PRTG: variants seen among roughly 807,000 people sequenced by gnomAD.
The protein encoded by PRTG is immunoglobulin superfamily, DCC subclass, member 5.
In PRTG, 67 loss-of-function variants were observed where a neutral mutation model predicts 122.5. The ratio of observed to expected loss-of-function variants is 0.55; its 90% CI spans 0.45 to 0.67. The LOEUF (loss-of-function observed/expected upper bound fraction) is 0.67. Ranked by LOEUF, PRTG falls within the 30% of genes least tolerant of loss-of-function variation. The pLI, the probability that PRTG is intolerant of heterozygous loss-of-function variation, is 0.00. For synonymous variants in PRTG, 554 were observed against 501.1 expected, an observed-to-expected ratio of 1.11 and a Z score of -1.41; for missense variants, 1,435 against 1,415.4, an observed-to-expected ratio of 1.01 and a Z score of -0.22.
At chr15:55,707,310 T>C (rs935471978) in intron 2 of PRTG, among the ~76,000 whole-genome samples, 4 of 152,250 alleles carry the variant, frequency 2.6e-5, no homozygotes, top group African/African-American at 9.6e-5. Flanking sequence ...CAAAATCATG[T>C]CTAAACTATA....
intron 2 of PRTG, among the ~76,000 whole-genome samples, chr15:55,701,077 T>C (rs1319848678): frequency 6.6e-6 from 1 of 152,208 alleles, no homozygotes; most frequent in Non-Finnish European, 1.5e-5. Context: ...GAGATGTCAC[T>C]ACACACCTGT....
At chr15:55,664,165 T>C (rs1247450519) in intron 11 of PRTG, among the ~76,000 whole-genome samples, 1 of 151,850 alleles carries the variant, frequency 6.6e-6, no homozygotes, top group Non-Finnish European at 1.5e-5. Context: ...TTTTTTGAGA[T>C]GGAGTTTCAC....
intron 11 of PRTG, among the ~76,000 whole-genome samples, chr15:55,664,206 A>G: frequency 6.6e-6 from 1 of 152,024 alleles, no homozygotes; most frequent in East Asian, 1.9e-4. Flanking sequence ...CAATGGCGCA[A>G]TCTCAGCTTA....
intron 15 of PRTG, among the ~76,000 whole-genome samples, chr15:55,632,835 T>C (rs2059235413): frequency 6.6e-6 from 1 of 152,208 alleles, no homozygotes; most frequent in African/African-American, 2.4e-5. Context: ...CCAGTGGAGG[T>C]AGGGACTTTG....
At position 55,637,184 on chromosome 15, in the gene PRTG, AC is replaced by A; in HGVS notation, c.2608del (p.Val870SerfsTer8). On this transcript the variant is annotated frameshift_variant, in exon 15 of 20. Coordinates refer to ENST00000389286, the MANE Select transcript of PRTG (RefSeq NM_173814.6). LOFTEE classifies it high-confidence loss of function. The part of the protein sequence containing the change: ...RKAWIAGEWQ[V>X]LHREGAITMA... The stretch of plus-strand genomic sequence containing the variant: ...ATGATATTTACCTTCACGGTGTAAG[AC>A]CTGCCACTCTCCTGCAATCCAGGCC... 1 of 1,594,072 alleles carries A rather than the reference AC, an allele frequency of 6.3e-7. No homozygotes were observed. The highest frequency in any genetic ancestry group is 8.5e-7 in the Non-Finnish European group (1 of 1,170,702).
At position 55,612,697 on chromosome 15, in the gene PRTG, AATATATATATATAT is replaced by A. The variant is rs59773365; in HGVS notation, c.*7301_*7314del. On this transcript the variant is annotated 3_prime_UTR_variant, in exon 20 of 20. Transcript: ENST00000389286. Reference sequence around the variant, plus strand: ...TTCTCTCTTTAACTCTTTAAAAGCCAATATATATATATATATATATATATATATATATATATATA... The same window carrying A: ...TTCTCTCTTTAACTCTTTAAAAGCCAATATATATATATATATATATATATA... 109 of 120,736 alleles carry A rather than the reference AATATATATATATAT, an allele frequency of 9.0e-4. 1 individual carries two copies. The highest frequency in any genetic ancestry group is 3.8e-3 in the African/African-American group (81 of 21,386). 7.5% of individuals were successfully genotyped at this position (120,736 alleles called of 1,614,324 possible).
chr15:55,688,650 A>G (rs934088521), intron 2 of PRTG, among the ~76,000 whole-genome samples: 3 of 152,186 alleles, frequency 2.0e-5, no homozygotes, highest in African/African-American at 7.2e-5. Flanking sequence ...CCTGGCCAAC[A>G]TGGTGAAACC....
intron 11 of PRTG, among the ~76,000 whole-genome samples, chr15:55,664,169 G>C (rs943151553): frequency 2.6e-5 from 4 of 151,688 alleles, no homozygotes; most frequent in Non-Finnish European, 5.9e-5. Context: ...TTGAGATGGA[G>C]TTTCACTCGT....
intron 3 of PRTG, among the ~76,000 whole-genome samples, chr15:55,683,186 T>C (rs964370454): frequency 1.5e-5 from 2 of 136,492 alleles, no homozygotes; most frequent in East Asian, 4.0e-4. Context: ...GTAGATATGC[T>C]TTTTTTTTTT....
intron 11 of PRTG, among the ~76,000 whole-genome samples, chr15:55,644,159 G>A (rs1366063774): frequency 6.6e-6 from 1 of 152,108 alleles, no homozygotes; most frequent in African/African-American, 2.4e-5. Context: ...TCTTCATTCT[G>A]TCTCTACTTA....
chr15:55,619,803 T>C lies in PRTG; in HGVS notation c.*209A>G, dbSNP rs1277989397. 1.4e-6 allele frequency: 1 copy of C among 723,204 alleles called. No individual in the cohort carries two copies. Among genetic ancestry groups the C allele is most frequent in the Non-Finnish European group, 2.1e-6 (1 of 473,514 alleles). 44.8% of individuals were successfully genotyped at this position (723,204 alleles called of 1,614,324 possible). A position where few individuals can be genotyped will look rare whatever the true frequency, so the allele number is the denominator to read the frequency against. On this transcript the variant is annotated 3_prime_UTR_variant, in exon 20 of 20. Transcript: ENST00000389286. ...TTAAGATTTTCACAAAAGGCTTTGG[T>C]TCCCTGTTCATTGTCCTTCGAACAG...
intron 11 of PRTG, among the ~76,000 whole-genome samples, chr15:55,647,897 C>A (rs1434602131): frequency 6.6e-6 from 1 of 152,206 alleles, no homozygotes; most frequent in African/African-American, 2.4e-5. Context: ...ATAGAGCAGG[C>A]AGACAAAGGT....
rs1475888586 is a variant in PRTG at position 55,630,361 on chromosome 15, A to T, written c.2624-1357T>A. On this transcript the variant is annotated intron_variant, in intron 15 of 19. Coordinates refer to ENST00000389286, the MANE Select transcript of PRTG (RefSeq NM_173814.6). Reference sequence around the variant, plus strand: ...TGGTTTTGAACTCCTGACCTCAAGTAATCTGCCCACCTCGGCCTCCCAAAG... The same window carrying T: ...TGGTTTTGAACTCCTGACCTCAAGTTATCTGCCCACCTCGGCCTCCCAAAG... 2.6e-5 allele frequency among the ~76,000 whole-genome samples: 4 copies of T among 151,592 alleles called. No homozygotes were observed. In the South Asian group the frequency reaches 6.3e-4, roughly 24 times the overall value.
At chr15:55,663,691 GCCA>G (rs2059422312) in intron 11 of PRTG, among the ~76,000 whole-genome samples, 1 of 151,968 alleles carries the variant, frequency 6.6e-6, no homozygotes, top group Admixed American at 6.6e-5. Flanking sequence ...ACAGGTACCA[GCCA>G]CCACGTCTGG....
intron 2 of PRTG, among the ~76,000 whole-genome samples, chr15:55,715,092 T>C (rs2030550510): frequency 6.6e-6 from 1 of 152,202 alleles, no homozygotes; most frequent in African/African-American, 2.4e-5. Context: ...CTGTCATATA[T>C]TCATATTATT....
intron 2 of PRTG, among the ~76,000 whole-genome samples, chr15:55,722,704 T>C (rs1044501622): frequency 6.6e-6 from 1 of 152,182 alleles, no homozygotes; most frequent in Non-Finnish European, 1.5e-5. Context: ...GTAGACTGAA[T>C]AAACACAGAT....
intron 1 of PRTG, among the ~76,000 whole-genome samples, chr15:55,741,317 T>C (rs1374572558): frequency 2.6e-5 from 4 of 152,220 alleles, no homozygotes; most frequent in African/African-American, 4.8e-5. Flanking sequence ...CTTTGAAAAG[T>C]TGGTAACTCT....
chr15:55,716,778 G>A (rs963759874), intron 2 of PRTG, among the ~76,000 whole-genome samples: 25 of 152,252 alleles, frequency 1.6e-4, no homozygotes, highest in South Asian at 8.3e-4. Flanking sequence ...TAACAGCAGC[G>A]TGGAAAAAGC....
chr15:55,680,582 T>C lies in PRTG; in HGVS notation c.723A>G (p.Pro241=). Residue 241 remains proline, a synonymous_variant, in exon 5 of 20, where the codon CCA becomes CCG. Transcript: ENST00000389286. Reference sequence around the variant, plus strand: ...GATGAAGAGATGTTGTTATGTTCTGTGGACCTGCTATAATTGTTGGTGTGT... The same window carrying C: ...GATGAAGAGATGTTGTTATGTTCTGCGGACCTGCTATAATTGTTGGTGTGT... ...SFHTPTIIAG[P]QNITTSLHQT... The C allele has an allele frequency of 1.3e-6, 2 of 1,588,656 alleles. No individual in the cohort carries two copies. The highest frequency in any genetic ancestry group is 1.7e-6 in the Non-Finnish European group (2 of 1,166,352).
Sources: allele counts gnomAD v4.1 joint callset (sites outside exome capture counted in the v4.1 genomes callset), GRCh38; gene constraint gnomAD v4.1.1; transcripts MANE v1.5; gene names NCBI Gene and HGNC (gene_info 2026-07-23, HGNC 2026-07-21).